AMBRA1: variants seen among roughly 807,000 people sequenced by gnomAD.
AMBRA1 encodes autophagy and beclin 1 regulator 1, also known as activating molecule in BECN1-regulated autophagy protein 1.
AMBRA1 carries 47 observed loss-of-function variants against 125.4 expected under a neutral mutation model. That is an observed-to-expected ratio of 0.37 (90% CI 0.30 to 0.48). The LOEUF (loss-of-function observed/expected upper bound fraction) is 0.48. AMBRA1 is among the 20% of genes least tolerant of loss of function. The pLI, the probability that AMBRA1 is intolerant of heterozygous loss-of-function variation, is 0.99. For synonymous variants in AMBRA1, 626 were observed against 655.5 expected, an observed-to-expected ratio of 0.95 and a Z score of 0.69; for missense variants, 1,331 against 1,693.4, an observed-to-expected ratio of 0.79 and a Z score of 3.76.
chr11:46,561,071 C>T (rs1037612050), intron 1 of AMBRA1, among the ~76,000 whole-genome samples: 2 of 152,062 alleles, frequency 1.3e-5, no homozygotes, highest in African/African-American at 4.8e-5. Context: ...TCCTGGAAAC[C>T]CCTGGAGCTA....
intron 1 of AMBRA1, among the ~76,000 whole-genome samples, chr11:46,551,347 C>CTA (rs757823540): frequency 5.1e-4 from 78 of 151,924 alleles, no homozygotes; most frequent in Non-Finnish European, 1.1e-3. Flanking sequence ...GGGTATCACT[C>CTA]TATCACCCAG....
At chr11:46,590,023 CA>C (rs2044535503) in intron 1 of AMBRA1, among the ~76,000 whole-genome samples, 1 of 151,324 alleles carries the variant, frequency 6.6e-6, no homozygotes, top group Non-Finnish European at 1.5e-5. Context: ...ATGATCAAAA[CA>C]AAAGTTTTAT....
At chr11:46,499,534 T>C (rs1950754273) in intron 9 of AMBRA1, among the ~76,000 whole-genome samples, 1 of 152,246 alleles carries the variant, frequency 6.6e-6, no homozygotes, top group Non-Finnish European at 1.5e-5. Context: ...GTAAAGTATG[T>C]ATTTTACAAA....
At chr11:46,468,565 G>A (rs1949429870) in intron 11 of AMBRA1, among the ~76,000 whole-genome samples, 1 of 151,510 alleles carries the variant, frequency 6.6e-6, no homozygotes, top group Non-Finnish European at 1.5e-5. Context: ...TTGGGAGGCT[G>A]AGGTGGGTGC....
chr11:46,434,188 ATTG>A (rs1295230024), intron 13 of AMBRA1, among the ~76,000 whole-genome samples: 3 of 152,032 alleles, frequency 2.0e-5, no homozygotes, highest in Non-Finnish European at 4.4e-5. Flanking sequence ...ATTTTAAAAA[ATTG>A]TTAACATCCT....
chr11:46,550,571 G>C (rs753184162), intron 1 of AMBRA1, among the ~76,000 whole-genome samples: 1 of 152,032 alleles, frequency 6.6e-6, no homozygotes, highest in Non-Finnish European at 1.5e-5. Context: ...TTTAATGGGG[G>C]GAGATGCTGA....
At chr11:46,489,004 G>A (rs751026553) in intron 11 of AMBRA1, among the ~76,000 whole-genome samples, 5 of 152,246 alleles carry the variant, frequency 3.3e-5, no homozygotes, top group Non-Finnish European at 7.4e-5. Context: ...CCAGGTTAAC[G>A]CCATTCTCCT....
At chr11:46,558,345 G>A (rs186698179) in intron 1 of AMBRA1, among the ~76,000 whole-genome samples, 5 of 151,992 alleles carry the variant, frequency 3.3e-5, no homozygotes, top group Admixed American at 2.6e-4. Flanking sequence ...GGTCAGGAGT[G>A]CGAGACCAGC....
intron 9 of AMBRA1, among the ~76,000 whole-genome samples, chr11:46,495,887 A>G (rs1236925142): frequency 6.6e-6 from 1 of 152,168 alleles, no homozygotes; most frequent in African/African-American, 2.4e-5. Context: ...TCATAAGAGG[A>G]GTTAGAAAAT....
intron 5 of AMBRA1, 104 bp from the exon 6 acceptor site, chr11:46,544,145 G>A (rs1489955246): frequency 3.6e-6 from 3 of 839,604 alleles, no homozygotes; most frequent in African/African-American, 1.7e-5. Flanking sequence ...CTGATAACTG[G>A]TATCACTCAG....
chr11:46,445,715 T>C (rs1948251160), intron 11 of AMBRA1, among the ~76,000 whole-genome samples: 1 of 152,208 alleles, frequency 6.6e-6, no homozygotes, highest in African/African-American at 2.4e-5. Flanking sequence ...ATCAAGATGG[T>C]TGACACCCTC....
intron 12 of AMBRA1, among the ~76,000 whole-genome samples, chr11:46,441,955 C>CAA (rs869217594): frequency 2.6e-4 from 17 of 66,598 alleles, no homozygotes; most frequent in African/African-American, 5.6e-4. Context: ...TGGCTCAGTG[C>CAA]AAAAAAAAAA....
chr11:46,554,717 G>A (rs1355989891), intron 1 of AMBRA1, among the ~76,000 whole-genome samples: 3 of 152,102 alleles, frequency 2.0e-5, no homozygotes, highest in African/African-American at 4.8e-5. Context: ...AGTCACACAG[G>A]GCTGCTGATG....
At chr11:46,512,215 C>G (rs1422523074) in intron 8 of AMBRA1, among the ~76,000 whole-genome samples, 2 of 152,216 alleles carry the variant, frequency 1.3e-5, no homozygotes, top group African/African-American at 4.8e-5. Flanking sequence ...CTTGTTTTAT[C>G]CATTTACTCC....
chr11:46,517,438 C>G (rs61882720), intron 7 of AMBRA1, among the ~76,000 whole-genome samples: 1 of 147,158 alleles, frequency 6.8e-6, no homozygotes, highest in Non-Finnish European at 1.5e-5. Flanking sequence ...CGTAAGCCAC[C>G]GCGCCCGGCT....
At chr11:46,452,526 G>A (rs989542585) in intron 11 of AMBRA1, among the ~76,000 whole-genome samples, 6 of 152,110 alleles carry the variant, frequency 3.9e-5, no homozygotes, top group Non-Finnish European at 7.4e-5. Flanking sequence ...TGAGCTCTCT[G>A]TAAATAAATA....
chr11:46,540,414 C>T (rs1393469824), intron 7 of AMBRA1, among the ~76,000 whole-genome samples: 6 of 152,104 alleles, frequency 3.9e-5, no homozygotes, highest in Admixed American at 3.9e-4. Context: ...AACAGAGGCT[C>T]GGGCTCCTGA....
intron 1 of AMBRA1, among the ~76,000 whole-genome samples, chr11:46,583,120 C>A (rs1282644829): frequency 6.6e-6 from 1 of 152,028 alleles, no homozygotes; most frequent in South Asian, 2.1e-4. Context: ...GCTACAGTAA[C>A]CAAAACAGCA....
chr11:46,416,272 G>A (rs1194473248), intron 15 of AMBRA1, among the ~76,000 whole-genome samples: 1 of 152,160 alleles, frequency 6.6e-6, no homozygotes, highest in African/African-American at 2.4e-5. Flanking sequence ...AGTATTTCAG[G>A]ACAGATCCTG....
Sources: allele counts gnomAD v4.1 joint callset (sites outside exome capture counted in the v4.1 genomes callset), GRCh38; gene constraint gnomAD v4.1.1; transcripts MANE v1.5; gene names NCBI Gene and HGNC (gene_info 2026-07-23, HGNC 2026-07-21).